The following DCHS2 variants were observed in gnomAD, a reference collection of about 807,000 sequenced individuals.
DCHS2 encodes protocadherin-23.
Under a neutral mutation model 182.4 loss-of-function variants are expected in DCHS2, and 142 were observed. The observed-to-expected ratio is 0.78, with a 90% CI of 0.68 to 0.89. The LOEUF is 0.89. DCHS2 is among the 40% of genes least tolerant of loss of function. The probability of loss-of-function intolerance (pLI) is 0.00; values close to 1 mark genes in which losing one functional copy is unlikely to be tolerated. For missense variants in DCHS2, 4,319 were observed against 4,198.6 expected (o/e 1.03, Z -0.79); for synonymous variants, 1,740 against 1,663.3 (o/e 1.05, Z -1.12).
intron 1 of DCHS2, among the ~76,000 whole-genome samples, chr4:154,414,717 A>G (rs1184435155): frequency 6.6e-6 from 1 of 152,162 alleles, no homozygotes; most frequent in East Asian, 1.9e-4. Flanking sequence ...GATGGGGGAT[A>G]GGCCTTTTCT....
chr4:154,352,986 C>T (rs1212975188), intron 3 of DCHS2, among the ~76,000 whole-genome samples: 5 of 152,168 alleles, frequency 3.3e-5, no homozygotes, highest in Non-Finnish European at 7.3e-5. Context: ...TAGAAATAAG[C>T]TTCTGTATCC....
chr4:154,374,619 A>T (rs1362081694), intron 2 of DCHS2, among the ~76,000 whole-genome samples: 8 of 152,178 alleles, frequency 5.3e-5, no homozygotes, highest in Admixed American at 5.2e-4. Flanking sequence ...TTTATTGAAT[A>T]TAAAGGGCTG....
chr4:154,275,236 C>CA (rs970698401), intron 13 of DCHS2, among the ~76,000 whole-genome samples: 11 of 150,048 alleles, frequency 7.3e-5, no homozygotes, highest in South Asian at 2.1e-4. Flanking sequence ...AAAGCTCAGT[C>CA]AAAAAAAAGG....
chr4:154,348,824 C>A (rs906543341), intron 3 of DCHS2, among the ~76,000 whole-genome samples: 2 of 152,060 alleles, frequency 1.3e-5, no homozygotes, highest in East Asian at 1.9e-4. Flanking sequence ...GTCTAAGCCA[C>A]CCAGTGCGTG....
intron 1 of DCHS2, among the ~76,000 whole-genome samples, chr4:154,444,141 G>T (rs2101591): frequency 6.6e-6 from 1 of 152,026 alleles, no homozygotes; most frequent in African/African-American, 2.4e-5. Context: ...CGCACTGGTG[G>T]TGGGGCCCAA....
Position 154,237,100 on chromosome 4 carries a change from G to C in DCHS2, c.7552C>G (p.Leu2518Val), listed in dbSNP as rs1731562499. The C allele has an allele frequency of 5.0e-6, 8 of 1,613,430 alleles. No homozygotes were observed. Among genetic ancestry groups the C allele is most frequent in the Non-Finnish European group, 6.8e-6 (8 of 1,179,874 alleles). ...LLDTISTTQF[L>V]VEASDGGNPD... The stretch of plus-strand genomic sequence containing the variant: ...TTTCCACCATCACTGGCTTCCACAA[G>C]AAATTGAGTTGTTGATATTGTATCC... Residue 2518 changes from leucine to valine, a missense_variant, in exon 20 of 20, where the codon CTT (leucine) becomes GTT (valine). Transcript: ENST00000357232.
At chr4:154,475,336 A>G (rs1560780326) in intron 1 of DCHS2, among the ~76,000 whole-genome samples, 2 of 152,364 alleles carry the variant, frequency 1.3e-5, no homozygotes, top group South Asian at 2.1e-4. Context: ...GTATCAAAAA[A>G]GTACCCTATA....
chr4:154,306,977 T>G (rs1044826193), intron 10 of DCHS2, among the ~76,000 whole-genome samples: 1 of 152,274 alleles, frequency 6.6e-6, no homozygotes, highest in East Asian at 1.9e-4. Flanking sequence ...TACAGGTTTT[T>G]TATCCCTAAG....
rs535820644 is a variant in DCHS2 at position 154,333,260 on chromosome 4, G to A, written c.2948C>T (p.Ser983Leu). ...GGTCTGGGATATTCTAATCTCATCC[G>A]AGGTCCTGAGGAACGCTGGGTGGTT... is the stretch of plus-strand genomic sequence containing the variant. ...NDNHPAFLRT[S>L]DEIRISQTTP... The change falls in exon 5 of 20, where the codon TCG becomes TTG. Residue 983 changes from serine (S) to leucine (L), a missense_variant. Physicochemically the swap from Ser to Leu is moderately radical, Grantham distance 145 (BLOSUM62 -2). Transcript: ENST00000357232. 3 of 1,614,186 alleles carry A rather than the reference G, an allele frequency of 1.9e-6. No homozygotes were observed. In the African/African-American group the frequency reaches 4.0e-5, roughly 22 times the overall value.
chr4:154,339,822 A>G (rs1015110186), intron 3 of DCHS2, among the ~76,000 whole-genome samples: 1 of 152,186 alleles, frequency 6.6e-6, no homozygotes, highest in Non-Finnish European at 1.5e-5. Context: ...AGAATATTTG[A>G]TTACAGAACA....
chr4:154,399,782 C>T (rs1321019090), intron 1 of DCHS2, among the ~76,000 whole-genome samples: 1 of 152,184 alleles, frequency 6.6e-6, no homozygotes, highest in African/African-American at 2.4e-5. Context: ...GCTCCCGGAA[C>T]ATTCTGCTGA....
chr4:154,356,293 A>G (rs1015422466), intron 3 of DCHS2, among the ~76,000 whole-genome samples: 1 of 152,206 alleles, frequency 6.6e-6, no homozygotes, highest in South Asian at 2.1e-4. Context: ...TGGTTGTACA[A>G]CTATACAATG....
intron 1 of DCHS2, among the ~76,000 whole-genome samples, chr4:154,386,285 C>T (rs1290771624): frequency 6.6e-6 from 1 of 152,220 alleles, no homozygotes; most frequent in Non-Finnish European, 1.5e-5. Flanking sequence ...TCACTCCCCT[C>T]TGGACACAGT....
intron 1 of DCHS2, among the ~76,000 whole-genome samples, chr4:154,377,815 C>A (rs191589887): frequency 1.3e-5 from 2 of 152,306 alleles, no homozygotes; most frequent in East Asian, 3.9e-4. Flanking sequence ...AAGGACTTGA[C>A]AGCCAAGCTG....
Position 154,489,385 on chromosome 4 carries a change from A to G in DCHS2, c.1971T>C (p.Asn657=). ...CLVSITVDDV[N]DNEPIFWRQV... is the part of the protein sequence containing the mutation. ...GCCTCCAGAAGATGGGCTCATTGTC[A>G]TTCACATCATCTACGGTGATGCTCA... The change falls in exon 1 of 20, where the codon AAT becomes AAC. Residue 657 remains asparagine (N), a synonymous_variant. Transcript: ENST00000357232. 1 of 1,551,562 alleles carries G rather than the reference A, an allele frequency of 6.4e-7. No homozygotes were observed. The highest frequency in any genetic ancestry group is 8.7e-7 in the Non-Finnish European group (1 of 1,146,874).
At chr4:154,340,919 G>C (rs1241933853) in intron 3 of DCHS2, among the ~76,000 whole-genome samples, 2 of 152,184 alleles carry the variant, frequency 1.3e-5, no homozygotes, top group African/African-American at 4.8e-5. Context: ...ATTTAAAGTT[G>C]TATGTAAACA....
chr4:154,322,912 C>G (rs1736124859), intron 7 of DCHS2: 1 of 301,402 alleles, frequency 3.3e-6, no homozygotes, highest in Admixed American at 4.6e-5. Context: ...CATATTATAC[C>G]TTAAAAATTA....
At chr4:154,333,857 TC>T in intron 4 of DCHS2, 1 of 214,534 alleles carries the variant, frequency 4.7e-6, no homozygotes, top group Non-Finnish European at 9.4e-6. Flanking sequence ...GACAAAATTT[TC>T]TAATGAGGCA....
intron 17 of DCHS2, among the ~76,000 whole-genome samples, chr4:154,241,174 G>T (rs1014520212): frequency 6.1e-4 from 92 of 151,982 alleles, no homozygotes; most frequent in African/African-American, 2.2e-3. Flanking sequence ...TATCTTCATG[G>T]GGGATATGAA....
Sources: gnomAD v4.1 joint callset for allele counts (sites outside exome capture counted in the v4.1 genomes callset) on GRCh38, gnomAD v4.1.1 for gene constraint, MANE v1.5 for transcripts, NCBI Gene and HGNC (gene_info 2026-07-23, HGNC 2026-07-21) for gene names.